The following ANXA8 variants were observed in gnomAD, a reference collection of about 807,000 sequenced individuals.
ANXA8 encodes the protein annexin A8.
A neutral mutation model predicts 26.8 loss-of-function variants in ANXA8; 9 were observed. The observed-to-expected ratio is 0.34, with a 90% confidence interval of 0.20 to 0.59. ANXA8 has a LOEUF of 0.59. Ranked by LOEUF, ANXA8 falls within the 20% of genes least tolerant of loss-of-function variation. ANXA8 has a pLI of 0.84. For synonymous variants in ANXA8, 39 were observed against 94.8 expected (o/e 0.41, Z 3.42); for missense variants, 83 against 238.5 (o/e 0.35, Z 4.29).
chr10:47,595,489 A>G, the ANXA8 span, among the ~76,000 whole-genome samples: 4 of 149,156 alleles, frequency 2.7e-5, no homozygotes, highest in African/African-American at 1.0e-4. Flanking sequence ...AAAAATCAGA[A>G]TCACCCATCT....
At chr10:47,501,491 C>T in the ANXA8 span, among the ~76,000 whole-genome samples, 2 of 136,540 alleles carry the variant, frequency 1.5e-5, 1 homozygote, top group African/African-American at 5.4e-5. Flanking sequence ...AGGTGGATCA[C>T]GAGGTCAGGA....
At chr10:47,581,620 T>A in the ANXA8 span, 2 of 439,684 alleles carry the variant, frequency 4.5e-6, no homozygotes, top group African/African-American at 2.1e-5. Flanking sequence ...TTTCTTTTTT[T>A]TTTTGAGACG....
At chr10:47,710,976 G>A in the ANXA8 span, among the ~76,000 whole-genome samples, 3 of 145,832 alleles carry the variant, frequency 2.1e-5, no homozygotes, top group African/African-American at 5.3e-5. Flanking sequence ...TACCTTTTTA[G>A]TGAAGATCTT....
chr10:47,687,557 G>A, the ANXA8 span, among the ~76,000 whole-genome samples: 3 of 151,826 alleles, frequency 2.0e-5, no homozygotes, highest in South Asian at 2.1e-4. Context: ...GAGCCACCAC[G>A]CCTGGCCCCA....
the ANXA8 span, among the ~76,000 whole-genome samples, chr10:47,498,824 A>G: frequency 8.9e-6 from 1 of 112,268 alleles, no homozygotes; most frequent in Admixed American, 1.0e-4. Flanking sequence ...GTGTATGGCC[A>G]GACACGGTGG....
chr10:47,562,149 G>C, the ANXA8 span, among the ~76,000 whole-genome samples: 3 of 151,700 alleles, frequency 2.0e-5, no homozygotes, highest in South Asian at 6.2e-4. Context: ...GTTCAGCTTA[G>C]AATATGCTCT....
chr10:47,696,425 A>G, the ANXA8 span: 15 of 1,304,786 alleles, frequency 1.1e-5, no homozygotes, highest in South Asian at 1.0e-4. Flanking sequence ...ATGAGGACCA[A>G]TGGATTGGTG....
In ANXA8 at chr10:47,475,476, A is replaced by G. The variant is rs1839509331; in HGVS notation, c.492+17T>C. On this transcript the variant is annotated intron_variant, in intron 6 of 11. Transcript: ENST00000585281. The stretch of plus-strand genomic sequence containing the variant: ...ACTCCCAAACCAAGGCACTCCCAAG[A>G]GCCTAGGCTGTGACACCTGCAGGAG... 7.1e-7 allele frequency: 1 copy of G among 1,398,618 alleles called. No homozygotes were observed. The allele number at this position is 1,398,618 out of a possible 1,614,324, so 86.6% of individuals were successfully genotyped here.
chr10:47,501,193 C>T, the ANXA8 span, among the ~76,000 whole-genome samples: 1,006 of 138,946 alleles, frequency 7.2e-3, 2 homozygotes, highest in Non-Finnish European at 0.011. Flanking sequence ...TGAGCCACCA[C>T]GCCTGGCCAT....
At chr10:47,525,938 G>A in the ANXA8 span, among the ~76,000 whole-genome samples, 1 of 134,320 alleles carries the variant, frequency 7.4e-6, no homozygotes, top group African/African-American at 2.8e-5. Flanking sequence ...CCGAGTAGCT[G>A]GGATTGCAGG....
At chr10:47,775,447 C>T in the ANXA8 span, among the ~76,000 whole-genome samples, 2 of 146,258 alleles carry the variant, frequency 1.4e-5, no homozygotes, top group African/African-American at 2.5e-5. Flanking sequence ...TCCTTAAACT[C>T]TTGTCCATGG....
the ANXA8 span, chr10:47,491,562 A>G: frequency 4.7e-6 from 7 of 1,480,506 alleles, no homozygotes; most frequent in Non-Finnish European, 5.4e-6. Flanking sequence ...TCTGCCCCAG[A>G]TCCCCCCAGC....
chr10:47,525,651 A>ATTG, the ANXA8 span, among the ~76,000 whole-genome samples: 3 of 136,792 alleles, frequency 2.2e-5, no homozygotes, highest in Non-Finnish European at 3.1e-5. Flanking sequence ...TATTATTATT[A>ATTG]TTATTATTTT....
the ANXA8 span, among the ~76,000 whole-genome samples, chr10:47,610,662 CA>C: frequency 6.7e-6 from 1 of 149,002 alleles, no homozygotes; most frequent in Non-Finnish European, 1.5e-5. Context: ...ACTTTGCAGA[CA>C]AAGTTGACTA....
At chr10:47,525,275 G>A in the ANXA8 span, among the ~76,000 whole-genome samples, 5 of 125,906 alleles carry the variant, frequency 4.0e-5, 1 homozygote, top group East Asian at 1.5e-3. Flanking sequence ...GTGTGGTTGT[G>A]CATGCCTGTA....
chr10:47,948,956 T>TG, the ANXA8 span, among the ~76,000 whole-genome samples: 1 of 124,306 alleles, frequency 8.0e-6, no homozygotes, highest in Non-Finnish European at 1.7e-5. Context: ...AGCTGGGAGG[T>TG]GGTTTTTTTT....
the ANXA8 span, among the ~76,000 whole-genome samples, chr10:47,664,713 G>T: frequency 6.7e-6 from 1 of 149,536 alleles, no homozygotes; most frequent in Non-Finnish European, 1.5e-5. Context: ...CGAGCCAGAG[G>T]AATATTGGGT....
the ANXA8 span, among the ~76,000 whole-genome samples, chr10:47,586,357 AC>A: frequency 6.9e-6 from 1 of 144,662 alleles, no homozygotes; most frequent in African/African-American, 2.9e-5. Flanking sequence ...CTATCTGCTA[AC>A]CCCCATCCTC....
the ANXA8 span, among the ~76,000 whole-genome samples, chr10:47,589,716 A>G: frequency 6.9e-6 from 1 of 144,696 alleles, no homozygotes; most frequent in African/African-American, 2.9e-5. Flanking sequence ...CACTCCCCTG[A>G]AAAAAATGCT....
Sources: allele counts gnomAD v4.1 joint callset (sites outside exome capture counted in the v4.1 genomes callset), GRCh38; gene constraint gnomAD v4.1.1; transcripts MANE v1.5; gene names NCBI Gene and HGNC (gene_info 2026-07-23, HGNC 2026-07-21).